Variants in SZT2 observed in about 807,000 individuals in gnomAD.
SZT2 encodes SZT2 subunit of KICSTOR complex.
Under a neutral mutation model 404.2 loss-of-function variants are expected in SZT2, and 216 were observed. The ratio of observed to expected loss-of-function variants is 0.53; its 90% CI spans 0.48 to 0.60. The LOEUF (loss-of-function observed/expected upper bound fraction) is 0.60, where lower values mean the gene tolerates loss of function less well. Ranked by LOEUF, SZT2 falls within the 20% of genes least tolerant of loss-of-function variation. The probability of loss-of-function intolerance (pLI) is 0.00; values close to 1 mark genes in which losing one functional copy is unlikely to be tolerated. For synonymous variants in SZT2, 1,693 were observed against 1,749.9 expected, an observed-to-expected ratio of 0.97 and a Z score of 0.81; for missense variants, 3,857 against 4,459.2, an observed-to-expected ratio of 0.86 and a Z score of 3.85.
At position 43,450,802 on chromosome 1, in the gene SZT2, C is replaced by G; in HGVS notation, c.*322C>G. The G allele has an allele frequency of 1.4e-6, 1 of 707,136 alleles. No individual in the cohort carries two copies. The highest frequency in any genetic ancestry group is 1.4e-5 in the South Asian group (1 of 72,924). 43.8% of individuals were successfully genotyped at this position (707,136 alleles called of 1,614,324 possible). Reference sequence around the variant, plus strand: ...GGGAGTTCACACAGGGTGGCAAACACCCCCTAGAGCTCCTCTGCCTGAATC... The same window carrying G: ...GGGAGTTCACACAGGGTGGCAAACAGCCCCTAGAGCTCCTCTGCCTGAATC... On this transcript the variant is annotated 3_prime_UTR_variant, in exon 72 of 72. Coordinates refer to ENST00000634258, the MANE Select transcript of SZT2 (RefSeq NM_001365999.1). The surrounding 1 kb of genome is among the most constrained non-coding windows in gnomAD (Gnocchi z 4.3).
rs1044073241 is a variant in SZT2 at position 43,403,118 on chromosome 1, T to C, written c.28-59T>C. 8 of 1,583,052 alleles carry C rather than the reference T, an allele frequency of 5.1e-6. No homozygotes were observed. The East Asian group carries it at 1.8e-4, about 35-fold the overall frequency. On this transcript the variant is annotated intron_variant, in intron 1 of 71. Coordinates refer to ENST00000634258, the MANE Select transcript of SZT2 (RefSeq NM_001365999.1). ...GGCAAATTATTTGGACAGTGATCTG[T>C]GTGTTCCAGGTACTCGGTGCCATTT...
chr1:43,399,646 A>G (rs1305765366), intron 1 of SZT2, among the ~76,000 whole-genome samples: 2 of 151,904 alleles, frequency 1.3e-5, no homozygotes, highest in Admixed American at 1.3e-4. Context: ...TATTTTTAGT[A>G]GAGACGGGGT....
intron 60 of SZT2, 25 bp from the exon 61 acceptor site, chr1:43,443,327 C>T (rs1305451510): frequency 6.2e-7 from 1 of 1,614,202 alleles, no homozygotes; most frequent in Admixed American, 1.7e-5. Context: ...GTCACTGCTC[C>T]ATGCTCACTG....
At chr1:43,418,986 G>T (rs2842177) in intron 7 of SZT2, among the ~76,000 whole-genome samples, 1 of 152,120 alleles carries the variant, frequency 6.6e-6, no homozygotes, top group Admixed American at 6.5e-5. Context: ...GAATGGAATA[G>T]AGTAAGTTAC....
chr1:43,415,545 G>C (rs1651603265), intron 5 of SZT2, among the ~76,000 whole-genome samples: 1 of 152,162 alleles, frequency 6.6e-6, no homozygotes, highest in Non-Finnish European at 1.5e-5. Context: ...AAGCTGCCTA[G>C]GCCCACTAGA....
chr1:43,438,130 T>A (rs1654660961), intron 46 of SZT2: 1 of 506,946 alleles, frequency 2.0e-6, no homozygotes, highest in Admixed American at 3.2e-5. Context: ...TAGTTCCTGC[T>A]GTGCTCGGGT....
intron 36 of SZT2, 50 bp from the exon 37 acceptor site, chr1:43,432,222 G>A (rs1340481829): frequency 2.7e-6 from 4 of 1,506,110 alleles, no homozygotes; most frequent in Non-Finnish European, 2.7e-6. Context: ...CTCACCATGT[G>A]TAGGGAGGAC....
At position 43,406,434 on chromosome 1, in the gene SZT2, T is replaced by C. The variant is rs1257209493; in HGVS notation, c.498+1884T>C. 4 of 164,884 alleles carry C rather than the reference T, an allele frequency of 2.4e-5. No homozygotes were observed. In the South Asian group the frequency reaches 4.6e-4, roughly 19 times the overall value. 10.2% of individuals were successfully genotyped at this position (164,884 alleles called of 1,614,324 possible). On this transcript the variant is annotated intron_variant, in intron 4 of 71. Coordinates refer to ENST00000634258, the MANE Select transcript of SZT2 (RefSeq NM_001365999.1). ...TTGAACTGAGTTTTGAAGAAAGAAT[T>C]GAGGTTAACCATTCAAAGAAGGGGA...
rs771531613 is a variant in SZT2, at chr1:43,453,806, C to T, written c.*3326C>T. 28 of 1,241,058 alleles carry T rather than the reference C, an allele frequency of 2.3e-5. No individual in the cohort carries two copies. The African/African-American group carries it at 4.0e-4, about 18-fold the overall frequency. 76.9% of individuals were successfully genotyped at this position (1,241,058 alleles called of 1,614,324 possible). A position where few individuals can be genotyped will look rare whatever the true frequency, so the allele number is the denominator to read the frequency against. On this transcript the variant is annotated 3_prime_UTR_variant, in exon 72 of 72. Transcript: ENST00000634258. ...GCAGCGGCGCCATGCCTGGGGAGGC[C>T]GGGCCGGGCGGAGTCCGCGGGATCC...
At chr1:43,406,216 T>A in intron 4 of SZT2, 2 of 281,942 alleles carry the variant, frequency 7.1e-6, no homozygotes, top group South Asian at 2.7e-5. Flanking sequence ...GCCTTTCAAG[T>A]AGCTGGGATT....
intron 1 of SZT2, among the ~76,000 whole-genome samples, chr1:43,394,733 C>A (rs547836532): frequency 6.6e-6 from 1 of 152,094 alleles, no homozygotes; most frequent in South Asian, 2.1e-4. Flanking sequence ...ACAAAATTAG[C>A]CGGGCGTGGT....
In SZT2 at chr1:43,453,223, CAG is replaced by C. The variant is rs1656631994; in HGVS notation, c.*2745_*2746del. 7 of 638,978 alleles carry C rather than the reference CAG, an allele frequency of 1.1e-5. No individual in the cohort carries two copies. The highest frequency in any genetic ancestry group is 1.1e-4 in the East Asian group (4 of 36,602). 39.6% of individuals were successfully genotyped at this position (638,978 alleles called of 1,614,324 possible). On this transcript the variant is annotated 3_prime_UTR_variant, in exon 72 of 72. Transcript: ENST00000634258. Reference sequence around the variant, plus strand: ...GAGTGGCAAACAGAGTGGCATAAGACAGATAAAATACAAAAGGCAATTTACAA... The same window carrying C: ...GAGTGGCAAACAGAGTGGCATAAGACATAAAATACAAAAGGCAATTTACAA...
Position 43,442,233 on chromosome 1 carries a change from C to G in SZT2, c.7874-35C>G, listed in dbSNP as rs1655141567. 6.2e-7 allele frequency: 1 copy of G among 1,605,258 alleles called. No homozygotes were observed. The highest frequency in any genetic ancestry group is 1.3e-5 in the African/African-American group (1 of 74,894). The stretch of plus-strand genomic sequence containing the variant: ...GGGTGGGATCAAGGGGGATCTGTTC[C>G]CAGGCCCCTATTGTGCCCCTCCCCC... On this transcript the variant is annotated intron_variant, in intron 56 of 71. Transcript: ENST00000634258. The surrounding 1 kb of genome is among the most constrained non-coding windows in gnomAD (Gnocchi z 4.5).
chr1:43,428,163 G>A, intron 27 of SZT2, 45 bp downstream of exon 27: 4 of 1,611,412 alleles, frequency 2.5e-6, no homozygotes, highest in Non-Finnish European at 3.4e-6. Flanking sequence ...CCCTGCGGGA[G>A]ATACAGGGAT....
intron 40 of SZT2, 94 bp from the exon 41 acceptor site, chr1:43,434,292 A>G (rs1194320388): frequency 9.2e-7 from 1 of 1,082,072 alleles, no homozygotes; most frequent in Non-Finnish European, 1.3e-6. Context: ...CCCCCTCGTG[A>G]TACGTATAAC....
Position 43,452,800 on chromosome 1 carries a change from G to T in SZT2, c.*2320G>T. On this transcript the variant is annotated 3_prime_UTR_variant, in exon 72 of 72. Transcript: ENST00000634258. ...TCTGCAGGATTTGACATTTGAATCA[G>T]CCCCACTTTGAGCCGTCCACCTCCT... 1 of 1,221,412 alleles carries T rather than the reference G, an allele frequency of 8.2e-7. No homozygotes were observed. The allele number at this position is 1,221,412 out of a possible 1,614,324, so 75.7% of individuals were successfully genotyped here. A position where few individuals can be genotyped will look rare whatever the true frequency, so the allele number is the denominator to read the frequency against.
Position 43,415,076 on chromosome 1 carries a change from T to G in SZT2, c.499-6T>G, listed in dbSNP as rs1234703851. 1.3e-6 allele frequency: 2 copies of G among 1,597,354 alleles called. No homozygotes were observed. The highest frequency in any genetic ancestry group is 1.1e-5 in the South Asian group (1 of 91,010). On this transcript the variant is annotated splice_region_variant and splice_polypyrimidine_tract_variant and intron_variant, in intron 4 of 71. Coordinates refer to ENST00000634258, the MANE Select transcript of SZT2 (RefSeq NM_001365999.1). ...CCTGTCTCAGTCTTTCCCATGTGCTTCTTAGGTGCTGGTACAGGGCTGCCT... is the reference window on the plus strand; with the variant it reads ...CCTGTCTCAGTCTTTCCCATGTGCTGCTTAGGTGCTGGTACAGGGCTGCCT...
In SZT2 at chr1:43,433,054, C is replaced by T. The variant is rs772875195; in HGVS notation, c.5668C>T (p.Pro1890Ser). 2.7e-5 allele frequency: 44 copies of T among 1,613,996 alleles called. No individual in the cohort carries two copies. Among genetic ancestry groups the T allele is most frequent in the Admixed American group, 5.0e-5 (3 of 60,004 alleles). The change falls in exon 40 of 72, where the codon CCC becomes TCC. Residue 1890 changes from proline to serine, a missense_variant. Pro to Ser is a moderately conservative substitution (Grantham distance 74). This residue lies in a region of SZT2 where 1,725 missense variants were observed against 1,881.0 expected (regional missense o/e 0.92). Transcript: ENST00000634258. The stretch of plus-strand genomic sequence containing the variant: ...CAATGACACCCTTGGTGAGAAGGCC[C>T]CCTTCACATTGCGGACTCCACCTGG... Reference protein sequence around the residue: ...GPNDTLGEKAPFTLRTPPGPA... With the variant: ...GPNDTLGEKASFTLRTPPGPA...
rs752909711 is a variant in SZT2, at chr1:43,428,035, C to T, written c.3836C>T (p.Ser1279Leu). The T allele has an allele frequency of 2.5e-6, 4 of 1,614,098 alleles. No homozygotes were observed. The African/African-American group carries it at 4.0e-5, about 16-fold the overall frequency. The change falls in exon 27 of 72, where the codon TCA becomes TTA. Residue 1279 changes from serine (S) to leucine (L), a missense_variant. Coordinates refer to ENST00000634258, the MANE Select transcript of SZT2 (RefSeq NM_001365999.1). ...TTCCTCGACCACCCCTCCCCATCCT[C>T]AGCCTGGATGGAACCCCGGTACAAG... ...TQFLDHPSPS[S>L]AWMEPRYKEA...
Sources: gnomAD v4.1 joint callset for allele counts (sites outside exome capture counted in the v4.1 genomes callset) on GRCh38, gnomAD v4.1.1 for gene constraint, gnomAD v4.1.1 regional missense constraint, Gnocchi (gnomAD v3.1) non-coding constraint, MANE v1.5 for transcripts, NCBI Gene and HGNC (gene_info 2026-07-23, HGNC 2026-07-21) for gene names.